GRIK2: variants seen among roughly 807,000 people sequenced by gnomAD.
The protein encoded by GRIK2 is glutamate ionotropic receptor kainate type subunit 2.
A neutral mutation model predicts 100.3 loss-of-function variants in GRIK2; 32 were observed. That is an observed-to-expected ratio of 0.32 (90% CI 0.24 to 0.43). The LOEUF (loss-of-function observed/expected upper bound fraction) is 0.43, where lower values mean the gene tolerates loss of function less well. GRIK2 is among the 20% of genes least tolerant of loss of function. The pLI is 1.00. For missense variants in GRIK2, 843 were observed against 1,114.9 expected (o/e 0.76, Z 3.47); for synonymous variants, 417 against 389.4 (o/e 1.07, Z -0.83).
chr6:102,068,211 TA>T lies in GRIK2; in HGVS notation c.2563-134del, dbSNP rs1772112509. The T allele has an allele frequency of 2.0e-5, 12 of 614,402 alleles. No homozygotes were observed. The East Asian group carries it at 3.4e-4, about 17-fold the overall frequency. The allele number at this position is 614,402 out of a possible 1,614,324, so 38.1% of individuals were successfully genotyped here. ...AGTGTTTAAAGTGTGACATTTGTTA[TA>T]ACTTTTACAATGAAAATTTTCAAAC... On this transcript the variant is annotated intron_variant, in intron 16 of 16. Coordinates refer to ENST00000369134, the MANE Select transcript of GRIK2 (RefSeq NM_021956.5).
intron 2 of GRIK2, among the ~76,000 whole-genome samples, chr6:101,533,849 T>C (rs1460853452): frequency 6.6e-6 from 1 of 152,022 alleles, no homozygotes; most frequent in Non-Finnish European, 1.5e-5. Context: ...CATCCATGAC[T>C]ATCCAGGTAT....
intron 4 of GRIK2, among the ~76,000 whole-genome samples, chr6:101,634,284 T>G (rs1780903616): frequency 6.6e-6 from 1 of 152,072 alleles, no homozygotes; most frequent in African/African-American, 2.4e-5. Context: ...GAAGGAGTGA[T>G]GAAGACAGGA....
intron 16 of GRIK2, among the ~76,000 whole-genome samples, chr6:102,060,004 AATATAT>A (rs770333337): frequency 2.0e-5 from 3 of 149,394 alleles, no homozygotes; most frequent in Non-Finnish European, 4.5e-5. Context: ...TAAGAAATAA[AATATAT>A]ATATATATAA....
chr6:102,012,757 T>A (rs1377028719), intron 14 of GRIK2, among the ~76,000 whole-genome samples: 2 of 152,190 alleles, frequency 1.3e-5, no homozygotes, highest in Non-Finnish European at 1.5e-5. Context: ...GTATGTGGCC[T>A]TATTTCTGGA....
intron 2 of GRIK2, among the ~76,000 whole-genome samples, chr6:101,609,322 A>G (rs907011081): frequency 2.0e-5 from 3 of 151,864 alleles, no homozygotes; most frequent in African/African-American, 7.2e-5. Context: ...ACAGGAAAAA[A>G]ATACCTATTA....
chr6:101,922,134 T>TCCCTC (rs71028088), intron 12 of GRIK2, among the ~76,000 whole-genome samples: 5,349 of 61,666 alleles, frequency 0.087, 247 homozygotes, highest in African/African-American at 0.13. Flanking sequence ...CTTCCTTCCT[T>TCCCTC]CCTTCCCTCC....
intron 2 of GRIK2, among the ~76,000 whole-genome samples, chr6:101,444,395 A>G (rs1290114866): frequency 1.3e-5 from 2 of 152,018 alleles, no homozygotes; most frequent in Non-Finnish European, 1.5e-5. Context: ...AATTTGGTCA[A>G]CATGTTTTAT....
intron 4 of GRIK2, among the ~76,000 whole-genome samples, chr6:101,646,276 C>T (rs1227303528): frequency 6.6e-6 from 1 of 151,888 alleles, no homozygotes; most frequent in Non-Finnish European, 1.5e-5. Flanking sequence ...AACTACATCC[C>T]CTACTTGGAT....
intron 14 of GRIK2, among the ~76,000 whole-genome samples, chr6:101,967,053 A>AGTT (rs1792726988): frequency 6.6e-6 from 1 of 152,076 alleles, no homozygotes; most frequent in South Asian, 2.1e-4. Flanking sequence ...ACAAAATTAT[A>AGTT]GTTGAAATAA....
rs76054733 is a variant in GRIK2, at chr6:101,690,909, G to T, written c.951+4556G>T. ...AGTCCTCCAGATATTTTATATGTGT[G>T]GTCCTTTATTTATGCACTTTATGTA... On this transcript the variant is annotated intron_variant, in intron 7 of 16. Transcript: ENST00000369134. Among the ~76,000 whole-genome samples the T allele has an allele frequency of 8.7e-3, 1,329 of 152,144 alleles. 22 individuals are homozygous for T. The highest frequency in any genetic ancestry group is 0.031 in the African/African-American group (1,278 of 41,478).
chr6:101,611,378 T>C (rs1779668912), intron 2 of GRIK2, among the ~76,000 whole-genome samples: 1 of 151,852 alleles, frequency 6.6e-6, no homozygotes, highest in Non-Finnish European at 1.5e-5. Context: ...TGTAGGAAGA[T>C]GTATGCAAGT....
At chr6:101,830,918 T>C (rs1321620121) in intron 10 of GRIK2, among the ~76,000 whole-genome samples, 1 of 151,716 alleles carries the variant, frequency 6.6e-6, no homozygotes, top group Non-Finnish European at 1.5e-5. Flanking sequence ...TAAACATTGG[T>C]ACACATGGAA....
At chr6:102,024,895 A>G in intron 14 of GRIK2, among the ~76,000 whole-genome samples, 1 of 150,192 alleles carries the variant, frequency 6.7e-6, no homozygotes, top group East Asian at 1.9e-4. Flanking sequence ...TACAAATTAT[A>G]TGACTGTATT....
chr6:101,790,101 A>T (rs931094776), intron 7 of GRIK2, among the ~76,000 whole-genome samples: 39 of 152,248 alleles, frequency 2.6e-4, no homozygotes, highest in African/African-American at 8.4e-4. Flanking sequence ...TTAAGGAGAT[A>T]TCGGGCTGAG....
intron 3 of GRIK2, among the ~76,000 whole-genome samples, chr6:101,626,058 ATAAAC>A (rs1429738876): frequency 2.0e-5 from 3 of 152,112 alleles, no homozygotes; most frequent in Non-Finnish European, 4.4e-5. Flanking sequence ...TTCCCCTCAT[ATAAAC>A]TAGTCTTCCA....
chr6:101,729,237 T>C (rs1012649687), intron 7 of GRIK2, among the ~76,000 whole-genome samples: 5 of 152,004 alleles, frequency 3.3e-5, no homozygotes, highest in Admixed American at 1.3e-4. Context: ...GTAACATGGA[T>C]CAGCATCCAT....
chr6:101,549,880 T>A (rs2749073), intron 2 of GRIK2, among the ~76,000 whole-genome samples: 95,493 of 151,934 alleles, frequency 0.63, 30,402 homozygotes, highest in Middle Eastern at 0.69. Flanking sequence ...CCAATGAAGA[T>A]AAGAAGATAT....
intron 1 of GRIK2, among the ~76,000 whole-genome samples, chr6:101,396,251 C>T (rs907056742): frequency 1.3e-5 from 2 of 150,482 alleles, no homozygotes; most frequent in Admixed American, 6.6e-5. Flanking sequence ...TTCCCCCCCC[C>T]CCCAGGAAGT....
intron 2 of GRIK2, chr6:101,430,897 C>G: frequency 2.9e-6 from 1 of 343,526 alleles, no homozygotes; most frequent in Non-Finnish European, 6.0e-6. Context: ...AAGCTGTAGC[C>G]ACACTATGTG....
Sources: gnomAD v4.1 joint callset for allele counts (sites outside exome capture counted in the v4.1 genomes callset) on GRCh38, gnomAD v4.1.1 for gene constraint, MANE v1.5 for transcripts, NCBI Gene and HGNC (gene_info 2026-07-23, HGNC 2026-07-21) for gene names.